Variants in DPP6 observed in about 807,000 individuals in gnomAD.
DPP6 encodes the protein dipeptidyl peptidase like 6, also known as A-type potassium channel modulatory protein DPP6.
DPP6 carries 69 observed loss-of-function variants against 122.6 expected under a neutral mutation model. The ratio of observed to expected loss-of-function variants is 0.56; its 90% CI spans 0.46 to 0.69. The LOEUF (loss-of-function observed/expected upper bound fraction) is 0.69, where lower values mean the gene tolerates loss of function less well. DPP6 is among the 30% of genes least tolerant of loss of function. DPP6 has a pLI of 0.00. For synonymous variants in DPP6, 418 were observed against 433.1 expected (o/e 0.97, Z 0.43); for missense variants, 928 against 1,116.9 (o/e 0.83, Z 2.41).
chr7:154,498,645 C>T (rs1016784894), intron 3 of DPP6, among the ~76,000 whole-genome samples: 5 of 152,004 alleles, frequency 3.3e-5, no homozygotes, highest in African/African-American at 1.2e-4. Flanking sequence ...GCCAGATAGA[C>T]CATCTATTAT....
rs78571440 is a variant in DPP6 at position 154,716,465 on chromosome 7, A to G, written c.763-11302A>G. Among the ~76,000 whole-genome samples, 984 of 151,620 alleles carry G rather than the reference A, an allele frequency of 6.5e-3. 8 individuals are homozygous for G. The highest frequency in any genetic ancestry group is 0.022 in the African/African-American group (917 of 41,314). ...TGACATCTGAAGAGTTCTCCCTTCA[A>G]CTCTCTCCCATGCACACCGAATGAA... On this transcript the variant is annotated intron_variant, in intron 7 of 25. Coordinates refer to ENST00000377770, the MANE Select transcript of DPP6 (RefSeq NM_130797.4).
chr7:153,753,549 G>A, the DPP6 span, among the ~76,000 whole-genome samples: 77 of 151,494 alleles, frequency 5.1e-4, no homozygotes, highest in African/African-American at 1.7e-3. Context: ...AAGAGTAATC[G>A]TTTTGTCTGA....
chr7:153,966,622 C>T (rs1795753397), intron 1 of DPP6, among the ~76,000 whole-genome samples: 1 of 109,634 alleles, frequency 9.1e-6, no homozygotes, highest in African/African-American at 3.9e-5. Flanking sequence ...AAAAATTATA[C>T]TTTAATTTTT....
At chr7:153,958,500 G>A (rs1220755315) in intron 1 of DPP6, among the ~76,000 whole-genome samples, 1 of 152,130 alleles carries the variant, frequency 6.6e-6, no homozygotes, top group Admixed American at 6.5e-5. Flanking sequence ...AGGTGGGTGA[G>A]CCAGGGAGGA....
intron 1 of DPP6, among the ~76,000 whole-genome samples, chr7:153,987,108 A>T (rs959930392): frequency 6.6e-6 from 1 of 152,228 alleles, no homozygotes; most frequent in Non-Finnish European, 1.5e-5. Flanking sequence ...ATTATTTGGT[A>T]AAAGTTGCAA....
intron 1 of DPP6, among the ~76,000 whole-genome samples, chr7:154,153,863 GT>G (rs1322234282): frequency 6.6e-6 from 1 of 152,180 alleles, no homozygotes; most frequent in African/African-American, 2.4e-5. Flanking sequence ...CCGCCATTGT[GT>G]AGCCTGAAGT....
intron 16 of DPP6, among the ~76,000 whole-genome samples, chr7:154,820,945 C>T (rs868621587): frequency 1.5e-4 from 23 of 152,202 alleles, no homozygotes; most frequent in African/African-American, 5.3e-4. Flanking sequence ...CTCAGTGGCT[C>T]ATACCTGTTA....
In DPP6 at chr7:154,036,551, CCTGGGCAA is replaced by C. The variant is rs953935325; in HGVS notation, c.51+148821_51+148828del. ...CATCCAGGTGCTGGGTCTAATCATT[CCTGGGCAA>C]CTGAGATACAGAAGGAGCCCCAGCT... On this transcript the variant is annotated intron_variant, in intron 1 of 25. Coordinates refer to the DPP6 transcript ENST00000404039. 2.4e-4 allele frequency among the ~76,000 whole-genome samples: 37 copies of C among 151,598 alleles called. 1 individual carries two copies. Among genetic ancestry groups the C allele is most frequent in the African/African-American group, 8.1e-4 (33 of 40,992 alleles).
intron 20 of DPP6, among the ~76,000 whole-genome samples, 197 bp from the exon 21 acceptor site, chr7:154,880,691 G>A (rs1805316433): frequency 2.0e-5 from 3 of 152,196 alleles, no homozygotes; most frequent in Non-Finnish European, 2.9e-5. Flanking sequence ...GTGCTTTGAG[G>A]TTTTAACGTG....
chr7:154,037,185 C>T (rs1006766976), intron 1 of DPP6, among the ~76,000 whole-genome samples: 7 of 152,148 alleles, frequency 4.6e-5, no homozygotes, highest in Admixed American at 6.6e-5. Context: ...GGTAGGAAGA[C>T]GGCCTTCCCA....
the DPP6 span, among the ~76,000 whole-genome samples, chr7:153,794,436 A>G: frequency 2.0e-5 from 3 of 152,202 alleles, no homozygotes; most frequent in South Asian, 2.1e-4. Flanking sequence ...CTTTCAGCCA[A>G]TTTCTCCCAT....
chr7:154,666,364 T>G (rs1012989832), intron 6 of DPP6, among the ~76,000 whole-genome samples: 8 of 147,468 alleles, frequency 5.4e-5, no homozygotes, highest in African/African-American at 2.0e-4. Context: ...TTTTGGGGGG[T>G]TTTATAAATT....
chr7:154,034,265 G>A (rs1354833514), intron 1 of DPP6, among the ~76,000 whole-genome samples: 4 of 152,118 alleles, frequency 2.6e-5, no homozygotes, highest in Non-Finnish European at 5.9e-5. Context: ...TATGAATCTT[G>A]ACTTAGAAGA....
intron 1 of DPP6, among the ~76,000 whole-genome samples, chr7:153,920,529 G>C (rs539140132): frequency 3.5e-5 from 5 of 143,050 alleles, no homozygotes; most frequent in Admixed American, 7.0e-5. Context: ...CTTACTTCCT[G>C]TGTAGGTAGT....
intron 1 of DPP6, among the ~76,000 whole-genome samples, chr7:154,036,029 T>C (rs780126162): frequency 0.092 from 13,844 of 150,888 alleles, 1,648 homozygotes; most frequent in African/African-American, 0.26. Context: ...CTTGTGTGTG[T>C]GTGTGTGTGT....
intron 1 of DPP6, among the ~76,000 whole-genome samples, chr7:154,071,831 A>G (rs1195878299): frequency 6.6e-6 from 1 of 152,180 alleles, no homozygotes; most frequent in Non-Finnish European, 1.5e-5. Context: ...GGGAAAAGAG[A>G]GGGGGCTTTC....
chr7:153,929,848 G>T (rs1801092624), intron 1 of DPP6, among the ~76,000 whole-genome samples: 1 of 152,172 alleles, frequency 6.6e-6, no homozygotes, highest in Non-Finnish European at 1.5e-5. Flanking sequence ...TGCATTACTT[G>T]AAGTGAATTA....
At chr7:154,145,207 GA>G (rs1796029287) in intron 1 of DPP6, among the ~76,000 whole-genome samples, 1 of 152,148 alleles carries the variant, frequency 6.6e-6, no homozygotes, top group Non-Finnish European at 1.5e-5. Flanking sequence ...CTTGCTTTTA[GA>G]AAGACCCCTA....
At chr7:154,742,888 A>G (rs1045727394) in intron 8 of DPP6, among the ~76,000 whole-genome samples, 2 of 152,186 alleles carry the variant, frequency 1.3e-5, no homozygotes, top group Admixed American at 1.3e-4. Context: ...CAAAGGGCAG[A>G]CCTTAAGAGC....
Sources: allele counts gnomAD v4.1 joint callset (sites outside exome capture counted in the v4.1 genomes callset), GRCh38; gene constraint gnomAD v4.1.1; transcripts MANE v1.5; gene names NCBI Gene and HGNC (gene_info 2026-07-23, HGNC 2026-07-21).